The following RANBP2 variants were observed in gnomAD, a reference collection of about 807,000 sequenced individuals.
The protein encoded by RANBP2 is E3 SUMO-protein ligase RanBP2.
Under a neutral mutation model 303.6 loss-of-function variants are expected in RANBP2, and 57 were observed. The ratio of observed to expected loss-of-function variants is 0.19; its 90% CI spans 0.15 to 0.23. The LOEUF (loss-of-function observed/expected upper bound fraction) is 0.23. Ranked by LOEUF, RANBP2 falls within the 10% of genes least tolerant of loss-of-function variation. The pLI, the probability that RANBP2 is intolerant of heterozygous loss-of-function variation, is 1.00. For synonymous variants in RANBP2, 1,167 were observed against 1,301.5 expected, an observed-to-expected ratio of 0.90 and a Z score of 2.23; for missense variants, 3,138 against 3,780.8, an observed-to-expected ratio of 0.83 and a Z score of 4.46.
chr2:109,670,485 G>T, the RANBP2 span, among the ~76,000 whole-genome samples: 2 of 151,860 alleles, frequency 1.3e-5, no homozygotes, highest in African/African-American at 4.8e-5. Context: ...TGGGCTGGGG[G>T]CACTATTGGG....
At chr2:109,631,053 G>A in the RANBP2 span, among the ~76,000 whole-genome samples, 7 of 152,222 alleles carry the variant, frequency 4.6e-5, no homozygotes, top group East Asian at 1.9e-4. Flanking sequence ...GCGAGACTCC[G>A]TCTTCAAAAA....
the RANBP2 span, among the ~76,000 whole-genome samples, chr2:109,747,642 G>A: frequency 6.6e-6 from 1 of 150,948 alleles, no homozygotes; most frequent in Non-Finnish European, 1.5e-5. Context: ...CAGTTACTCC[G>A]GAGGCTGAGG....
At chr2:109,430,638 G>T in the RANBP2 span, among the ~76,000 whole-genome samples, 1 of 152,110 alleles carries the variant, frequency 6.6e-6, no homozygotes, top group Non-Finnish European at 1.5e-5. Flanking sequence ...GCAGTTGTTT[G>T]TCATTTTCAC....
the RANBP2 span, among the ~76,000 whole-genome samples, chr2:108,877,991 C>A: frequency 1.1e-4 from 17 of 152,060 alleles, no homozygotes; most frequent in African/African-American, 4.1e-4. Context: ...AGTGAAGATG[C>A]CTTTCATAAG....
the RANBP2 span, among the ~76,000 whole-genome samples, chr2:109,340,281 C>A: frequency 2.6e-5 from 4 of 152,124 alleles, no homozygotes; most frequent in Non-Finnish European, 1.5e-5. Flanking sequence ...GCCAAGCTCA[C>A]AGGGTTGCTG....
the RANBP2 span, chr2:109,614,120 G>A: frequency 3.6e-5 from 44 of 1,206,974 alleles, no homozygotes; most frequent in Non-Finnish European, 4.1e-5. Context: ...GCGGGCTGAA[G>A]GAGAGCTGGG....
rs745624835 is a variant in RANBP2 at position 108,751,548 on chromosome 2, A to G, written c.1476A>G (p.Val492=). 5.6e-6 allele frequency: 9 copies of G among 1,610,646 alleles called. No individual in the cohort carries two copies. The highest frequency in any genetic ancestry group is 2.2e-4 in the Middle Eastern group (1 of 4,452). The stretch of plus-strand genomic sequence containing the variant: ...AACAGGTATTTCTCCTTGGAGTAGT[A>G]TATACCAGCCACTTACAATTAAAGG... The part of the protein sequence containing the change: ...LDLEVFLLGV[V]YTSHLQLKEK... Residue 492 remains valine (V), a synonymous_variant, in exon 11 of 29, where the codon GTA becomes GTG. Coordinates refer to ENST00000283195, the MANE Select transcript of RANBP2 (RefSeq NM_006267.5).
At chr2:108,960,950 T>C in the RANBP2 span, among the ~76,000 whole-genome samples, 1 of 152,356 alleles carries the variant, frequency 6.6e-6, no homozygotes, top group Non-Finnish European at 1.5e-5. Context: ...TTCACTATTA[T>C]AATGAACGCC....
the RANBP2 span, among the ~76,000 whole-genome samples, chr2:109,285,114 A>G: frequency 6.6e-6 from 1 of 152,196 alleles, no homozygotes; most frequent in Non-Finnish European, 1.5e-5. Context: ...CAGTCTGGAA[A>G]GAGCCCAGGG....
the RANBP2 span, among the ~76,000 whole-genome samples, chr2:109,088,078 C>T: frequency 2.6e-5 from 4 of 152,094 alleles, no homozygotes; most frequent in Admixed American, 6.5e-5. Flanking sequence ...GCCTGGTCAA[C>T]GTGGTGAAAC....
chr2:109,001,668 G>A, the RANBP2 span, among the ~76,000 whole-genome samples: 9,423 of 152,268 alleles, frequency 0.062, 501 homozygotes, highest in African/African-American at 0.14. Flanking sequence ...AATTCTCCAC[G>A]CTACTGTCTT....
chr2:109,053,499 C>G, the RANBP2 span, among the ~76,000 whole-genome samples: 1 of 152,312 alleles, frequency 6.6e-6, no homozygotes, highest in East Asian at 1.9e-4. Context: ...GACTGCTTTT[C>G]AGGCATCCTC....
the RANBP2 span, among the ~76,000 whole-genome samples, chr2:108,817,467 A>G: frequency 1.3e-5 from 2 of 151,760 alleles, no homozygotes; most frequent in Non-Finnish European, 2.9e-5. Context: ...TAATTTTTGT[A>G]TTTTTAGTAG....
chr2:109,302,168 C>T, the RANBP2 span, among the ~76,000 whole-genome samples: 5 of 152,220 alleles, frequency 3.3e-5, no homozygotes, highest in Non-Finnish European at 7.3e-5. Context: ...ATCTGCAAAG[C>T]TGGCGTTGGT....
the RANBP2 span, among the ~76,000 whole-genome samples, chr2:109,096,081 C>T: frequency 4.0e-4 from 61 of 152,092 alleles, no homozygotes; most frequent in South Asian, 1.0e-3. Context: ...GAATGACTTA[C>T]GGTGATGTGA....
In RANBP2 at chr2:108,722,222, T is replaced by C. The variant is rs116200587; in HGVS notation, c.72+2544T>C. ...TGGAGTGGTGGCAGAATTTTGAGGATTGGTTATTATGACACCTCTCTTACA... is the reference window on the plus strand; with the variant it reads ...TGGAGTGGTGGCAGAATTTTGAGGACTGGTTATTATGACACCTCTCTTACA... On this transcript the variant is annotated intron_variant, in intron 1 of 28. Transcript: ENST00000283195. Among the ~76,000 whole-genome samples the C allele has an allele frequency of 3.0e-3, 463 of 152,270 alleles. 3 individuals are homozygous for C. Among genetic ancestry groups the C allele is most frequent in the African/African-American group, 0.011 (446 of 41,554 alleles).
At chr2:108,727,623 TGAGATGGAA>T (rs1694836649) in intron 1 of RANBP2, among the ~76,000 whole-genome samples, 1 of 132,562 alleles carries the variant, frequency 7.5e-6, no homozygotes. Context: ...TTTTTTTTTT[TGAGATGGAA>T]TCATTCTGTT....
chr2:108,929,940 G>A, the RANBP2 span, among the ~76,000 whole-genome samples: 1 of 152,232 alleles, frequency 6.6e-6, no homozygotes, highest in Non-Finnish European at 1.5e-5. Flanking sequence ...TAGCTGGTGA[G>A]TGCCATTCCT....
the RANBP2 span, among the ~76,000 whole-genome samples, chr2:109,744,480 G>A: frequency 1.1e-5 from 1 of 86,998 alleles, no homozygotes; most frequent in Admixed American, 1.2e-4. Flanking sequence ...GATTCTGGAT[G>A]TAGACCTTTG....
Sources: gnomAD v4.1 joint callset for allele counts (sites outside exome capture counted in the v4.1 genomes callset) on GRCh38, gnomAD v4.1.1 for gene constraint, MANE v1.5 for transcripts, NCBI Gene and HGNC (gene_info 2026-07-23, HGNC 2026-07-21) for gene names.